Variants in AVEN observed in about 807,000 individuals in gnomAD.
AVEN encodes apoptosis and caspase activation inhibitor.
In AVEN, 41 loss-of-function variants were observed where a neutral mutation model predicts 38.1. That is an observed-to-expected ratio of 1.08 (90% CI 0.84 to 1.40). The LOEUF is 1.40. Ranked by LOEUF, AVEN falls within the 40% of genes most tolerant of loss-of-function variation. The pLI, the probability that AVEN is intolerant of heterozygous loss-of-function variation, is 0.00. For synonymous variants in AVEN, 206 were observed against 171.8 expected, an observed-to-expected ratio of 1.20 and a Z score of -1.56; for missense variants, 605 against 438.8, an observed-to-expected ratio of 1.38 and a Z score of -3.38.
chr15:34,047,079 T>TTA (rs1445895697), intron 5 of AVEN, among the ~76,000 whole-genome samples: 2 of 151,210 alleles, frequency 1.3e-5, no homozygotes, highest in African/African-American at 2.4e-5. Flanking sequence ...GTTGGTTTTT[T>TTA]TTTTTTTCTT....
At chr15:33,915,969 AC>A (rs1409345099) in intron 2 of AVEN, among the ~76,000 whole-genome samples, 1 of 151,560 alleles carries the variant, frequency 6.6e-6, no homozygotes, top group Non-Finnish European at 1.5e-5. Context: ...TGGGAACATA[AC>A]TCCACTGGCC....
chr15:33,981,666 C>T (rs1159796165), intron 2 of AVEN, among the ~76,000 whole-genome samples: 1 of 152,160 alleles, frequency 6.6e-6, no homozygotes, highest in Admixed American at 6.5e-5. Flanking sequence ...AAGGAATTCA[C>T]ACTGCAGTTC....
At chr15:33,933,559 A>ATT in intron 2 of AVEN, among the ~76,000 whole-genome samples, 1 of 148,354 alleles carries the variant, frequency 6.7e-6, no homozygotes, top group East Asian at 2.0e-4. Flanking sequence ...AGAGAGAGAG[A>ATT]GAGAGAGAGA....
chr15:34,073,949 A>G (rs1286863070), intron 1 of AVEN, among the ~76,000 whole-genome samples: 3 of 150,362 alleles, frequency 2.0e-5, no homozygotes, highest in Non-Finnish European at 4.4e-5. Context: ...TTGAGAAAAA[A>G]CAATTACTGT....
intron 11 of AVEN, chr15:33,861,170 C>A: frequency 6.3e-7 from 1 of 1,585,610 alleles, no homozygotes; most frequent in South Asian, 1.2e-5. Flanking sequence ...ACAACTTAGC[C>A]AACTACTTGT....
intron 2 of AVEN, among the ~76,000 whole-genome samples, chr15:33,888,319 CA>C (rs1891786944): frequency 6.6e-6 from 1 of 150,408 alleles, no homozygotes; most frequent in Non-Finnish European, 1.5e-5. Flanking sequence ...GTGTGTGTGG[CA>C]GGGGGAAGGG....
intron 2 of AVEN, among the ~76,000 whole-genome samples, chr15:33,969,613 A>AG (rs1305004505): frequency 6.6e-6 from 1 of 152,086 alleles, no homozygotes; most frequent in Non-Finnish European, 1.5e-5. Flanking sequence ...ATTGTTACTA[A>AG]GAAAAAAAAG....
At chr15:34,007,217 G>T in intron 1 of AVEN, 1 of 250,800 alleles carries the variant, frequency 4.0e-6, no homozygotes, top group Non-Finnish European at 6.3e-6. Context: ...AGAAAGAGTA[G>T]CTTAATGTTT....
chr15:33,866,189 A>C (rs1445329445), downstream of AVEN: 1 of 172,928 alleles, frequency 5.8e-6, no homozygotes, highest in African/African-American at 2.4e-5. Flanking sequence ...ACATGAGACG[A>C]ATTGCCCAGG....
At chr15:33,854,836 C>G, downstream of AVEN, 1 of 1,613,902 alleles carries the variant, frequency 6.2e-7, no homozygotes, top group Non-Finnish European at 8.5e-7. Flanking sequence ...TTCTTTGCTG[C>G]TCACCTATTG....
Position 33,866,591 on chromosome 15 carries a change from T to TCAGGCACTTTTTTTCCC in AVEN, c.*5_*21dup. 6.3e-7 allele frequency: 1 copy of TCAGGCACTTTTTTTCCC among 1,592,620 alleles called. No individual in the cohort carries two copies. Among genetic ancestry groups the TCAGGCACTTTTTTTCCC allele is most frequent in the Non-Finnish European group, 8.6e-7 (1 of 1,161,430 alleles). ...CGTTAGAAGGCAACCAAGATTTGCT[T>TCAGGCACTTTTTTTCCC]CAGGCACTTTTTTTCCCCTTTTTAG... is the stretch of plus-strand genomic sequence containing the variant. On this transcript the variant is annotated 3_prime_UTR_variant, in exon 6 of 6. Coordinates refer to ENST00000306730, the MANE Select transcript of AVEN (RefSeq NM_020371.3).
At position 33,947,479 on chromosome 15, in the gene AVEN, C is replaced by T. The variant is rs914712619; in HGVS notation, c.445+55553G>A. ...GTTTGGGGACCACATCCAGTCATCCCACCATATAGGAGGCAGGGGGCCAGG... is the reference window on the plus strand; with the variant it reads ...GTTTGGGGACCACATCCAGTCATCCTACCATATAGGAGGCAGGGGGCCAGG... On this transcript the variant is annotated intron_variant, in intron 2 of 5. Coordinates refer to ENST00000306730, the MANE Select transcript of AVEN (RefSeq NM_020371.3). Among the ~76,000 whole-genome samples, 9 of 152,116 alleles carry T rather than the reference C, an allele frequency of 5.9e-5. No homozygotes were observed. In the East Asian group the frequency reaches 1.7e-3, roughly 29 times the overall value.
At chr15:34,074,868 A>G (rs531136078) in exon 1 of AVEN, among the ~76,000 whole-genome samples, 38 of 152,228 alleles carry the variant, frequency 2.5e-4, no homozygotes, top group African/African-American at 8.7e-4. Flanking sequence ...CTGTAGACCA[A>G]TGATGGGTAG....
Position 34,063,455 on chromosome 15 carries a change from T to C in AVEN, n.1127-23A>G, listed in dbSNP as rs147186645. 51 of 1,613,798 alleles carry C rather than the reference T, an allele frequency of 3.2e-5. No homozygotes were observed. The highest frequency in any genetic ancestry group is 8.3e-5 in the Admixed American group (5 of 60,006). On this transcript the variant is annotated intron_variant and non_coding_transcript_variant, in intron 4 of 11. Coordinates refer to the AVEN transcript ENST00000675287. This position sits in a 1 kb window ranked among gnomAD's most constrained non-coding sequence, Gnocchi z 4.1. ...AAGCTGAGAAGAGAAAGCCAGCTCA[T>C]AGGGCTCTGTTCAGATCCTGCTTGC...
At chr15:33,934,386 G>A (rs679829) in intron 2 of AVEN, among the ~76,000 whole-genome samples, 89,296 of 152,082 alleles carry the variant, frequency 0.59, 28,293 homozygotes, top group East Asian at 0.75. Context: ...AGCAATTAGA[G>A]ACCAAGCAAT....
intron 1 of AVEN, among the ~76,000 whole-genome samples, chr15:34,005,409 C>T (rs1897300570): frequency 2.6e-5 from 4 of 151,518 alleles, no homozygotes; most frequent in Admixed American, 1.3e-4. Context: ...GGTCTGTTTG[C>T]TTCCTCATGG....
chr15:33,988,416 T>C (rs534273314), intron 2 of AVEN, among the ~76,000 whole-genome samples: 4 of 152,342 alleles, frequency 2.6e-5, no homozygotes, highest in South Asian at 2.1e-4. Context: ...GCTTAGTTTC[T>C]ACATGTATAG....
rs142844242 is a variant in AVEN at position 33,959,998 on chromosome 15, G to A, written c.445+43034C>T. ...GCAGTAGTGTATAACTACTGGATTC[G>A]TGTCGGATGACTTGCCTAAGGGTGA... On this transcript the variant is annotated intron_variant, in intron 2 of 5. Transcript: ENST00000306730. Among the ~76,000 whole-genome samples, 13 of 152,300 alleles carry A rather than the reference G, an allele frequency of 8.5e-5. No homozygotes were observed. In the East Asian group the frequency reaches 9.6e-4, roughly 11 times the overall value.
downstream of AVEN, chr15:33,855,080 C>A: frequency 1.8e-6 from 1 of 547,978 alleles, no homozygotes; most frequent in Non-Finnish European, 2.8e-6. Flanking sequence ...AAATTGTAGC[C>A]AATTAAAAAT....
Sources: gnomAD v4.1 joint callset for allele counts (sites outside exome capture counted in the v4.1 genomes callset) on GRCh38, gnomAD v4.1.1 for gene constraint, Gnocchi (gnomAD v3.1) non-coding constraint, MANE v1.5 for transcripts, NCBI Gene and HGNC (gene_info 2026-07-23, HGNC 2026-07-21) for gene names.